DYM: variants seen among roughly 807,000 people sequenced by gnomAD.
DYM encodes dymeclin.
Under a neutral mutation model 93.1 loss-of-function variants are expected in DYM, and 78 were observed. The observed-to-expected ratio is 0.84, with a 90% CI of 0.70 to 1.01. The LOEUF (loss-of-function observed/expected upper bound fraction) is 1.01. Among genes scored for constraint, DYM ranks in the 50% least tolerant of loss-of-function variants. The pLI is 0.00. For synonymous variants in DYM, 321 were observed against 319.7 expected (o/e 1.00, Z -0.04); for missense variants, 789 against 845.0 (o/e 0.93, Z 0.82).
At chr18:49,456,102 C>T (rs1046926393) in intron 1 of DYM, among the ~76,000 whole-genome samples, 1 of 152,144 alleles carries the variant, frequency 6.6e-6, no homozygotes, top group Non-Finnish European at 1.5e-5. Flanking sequence ...TTATCCCTTC[C>T]TCCATCCTGC....
At chr18:49,111,744 T>C (rs2145858718) in intron 16 of DYM, among the ~76,000 whole-genome samples, 1 of 152,306 alleles carries the variant, frequency 6.6e-6, no homozygotes, top group South Asian at 2.1e-4. Flanking sequence ...GCCCTTGATC[T>C]TTCCCAGCAG....
chr18:49,266,148 A>G (rs1254911824), intron 11 of DYM, among the ~76,000 whole-genome samples: 1 of 152,176 alleles, frequency 6.6e-6, no homozygotes, highest in African/African-American at 2.4e-5. Context: ...AAAAAATTGG[A>G]AGAAAGAGAT....
chr18:49,407,793 T>C (rs1025103789), intron 2 of DYM, among the ~76,000 whole-genome samples: 4 of 152,222 alleles, frequency 2.6e-5, no homozygotes, highest in African/African-American at 9.6e-5. Flanking sequence ...CTCTGGGGAT[T>C]GTACCAATGT....
At chr18:49,209,243 GCACT>G (rs1030577072) in intron 14 of DYM, among the ~76,000 whole-genome samples, 3 of 152,140 alleles carry the variant, frequency 2.0e-5, no homozygotes, top group Non-Finnish European at 4.4e-5. Flanking sequence ...AAACATCAGA[GCACT>G]CCAACTACTA....
At chr18:49,208,717 C>G (rs889902313) in intron 14 of DYM, 3 of 152,102 alleles carry the variant, frequency 2.0e-5, no homozygotes, top group African/African-American at 7.2e-5. Context: ...ATGGAGTTTT[C>G]TCCTTCTTCA....
At chr18:49,315,175 A>T (rs1374085517) in intron 8 of DYM, among the ~76,000 whole-genome samples, 12 of 151,816 alleles carry the variant, frequency 7.9e-5, no homozygotes, top group African/African-American at 2.9e-4. Flanking sequence ...AGATCACATT[A>T]CTGCACTCCA....
chr18:49,321,754 A>AG (rs35606955), intron 8 of DYM, among the ~76,000 whole-genome samples: 47,038 of 151,880 alleles, frequency 0.31, 8,705 homozygotes, highest in Middle Eastern at 0.46. Flanking sequence ...AATCCTGAAA[A>AG]GGGGGGGAAA....
At chr18:49,218,982 G>A (rs1221033999) in intron 13 of DYM, among the ~76,000 whole-genome samples, 1 of 152,132 alleles carries the variant, frequency 6.6e-6, no homozygotes, top group South Asian at 2.1e-4. Flanking sequence ...TTTTTTGAAA[G>A]GATCAACAAA....
intron 17 of DYM, among the ~76,000 whole-genome samples, chr18:49,076,091 G>A (rs925811846): frequency 7.9e-5 from 12 of 151,436 alleles, no homozygotes; most frequent in African/African-American, 2.2e-4. Flanking sequence ...AAAGCAAAAC[G>A]GATCAACCAA....
chr18:49,176,319 G>T (rs1018254526), intron 14 of DYM, among the ~76,000 whole-genome samples: 3 of 151,998 alleles, frequency 2.0e-5, no homozygotes, highest in Admixed American at 6.6e-5. Flanking sequence ...TGAAATAAGA[G>T]AATCTAACAT....
chr18:49,070,979 T>C (rs2076836680), intron 17 of DYM, among the ~76,000 whole-genome samples: 1 of 152,210 alleles, frequency 6.6e-6, no homozygotes, highest in Non-Finnish European at 1.5e-5. Flanking sequence ...CAATAGGGAC[T>C]GTTAGCAATG....
At chr18:49,245,550 G>A (rs1336487067) in intron 13 of DYM, among the ~76,000 whole-genome samples, 1 of 152,146 alleles carries the variant, frequency 6.6e-6, no homozygotes, top group South Asian at 2.1e-4. Flanking sequence ...AGTACCCTCA[G>A]GCTTACTAGC....
At chr18:49,169,358 T>C (rs1305270919) in intron 14 of DYM, among the ~76,000 whole-genome samples, 2 of 152,106 alleles carry the variant, frequency 1.3e-5, no homozygotes, top group Non-Finnish European at 2.9e-5. Flanking sequence ...CAAAGGTGAG[T>C]TGGGCAGAGA....
chr18:49,176,832 T>C (rs1439453398), intron 14 of DYM, among the ~76,000 whole-genome samples: 9 of 152,160 alleles, frequency 5.9e-5, no homozygotes, highest in Admixed American at 5.2e-4. Flanking sequence ...TCATGGACAA[T>C]GGATTTTAAA....
intron 11 of DYM, among the ~76,000 whole-genome samples, chr18:49,266,857 T>G (rs1158977041): frequency 6.6e-6 from 1 of 152,174 alleles, no homozygotes; most frequent in African/African-American, 2.4e-5. Context: ...GTGCTGCCTA[T>G]TGTCCAAAGT....
chr18:49,173,439 T>A (rs2089001112), intron 14 of DYM, among the ~76,000 whole-genome samples: 1 of 152,114 alleles, frequency 6.6e-6, no homozygotes, highest in Admixed American at 6.6e-5. Context: ...AAAATCACCC[T>A]GTTTACTTAG....
At chr18:49,435,799 A>C (rs1772706332) in intron 1 of DYM, among the ~76,000 whole-genome samples, 1 of 152,156 alleles carries the variant, frequency 6.6e-6, no homozygotes, top group Admixed American at 6.5e-5. Context: ...CAAAAAAAAC[A>C]AAAACAAACA....
chr18:49,452,778 C>T lies in DYM; in HGVS notation c.-54+7620G>A, dbSNP rs1314189778. 2.1e-4 allele frequency among the ~76,000 whole-genome samples: 28 copies of T among 135,704 alleles called. 7 individuals carry two copies. Among genetic ancestry groups the T allele is most frequent in the African/African-American group, 6.9e-4 (24 of 34,846 alleles). 89.0% of individuals were successfully genotyped at this position (135,704 alleles called of 152,430 possible). On this transcript the variant is annotated intron_variant, in intron 1 of 17. Coordinates refer to ENST00000675505, the MANE Select transcript of DYM (RefSeq NM_001353214.3). ...CGGGACTGGCAGGCAGCTCTGCCTG[C>T]GGCCCTGGTGCAGGATCCACCAGGT...
intron 17 of DYM, among the ~76,000 whole-genome samples, chr18:49,080,714 T>A (rs1466898768): frequency 4.3e-5 from 5 of 115,818 alleles, no homozygotes; most frequent in African/African-American, 1.0e-4. Flanking sequence ...ACGGGGTGGC[T>A]GCCGGGCAGA....
Sources: allele counts gnomAD v4.1 joint callset (sites outside exome capture counted in the v4.1 genomes callset), GRCh38; gene constraint gnomAD v4.1.1; transcripts MANE v1.5; gene names NCBI Gene and HGNC (gene_info 2026-07-23, HGNC 2026-07-21).